SAMD5: variants seen among roughly 807,000 people sequenced by gnomAD.
SAMD5 encodes sterile alpha motif domain-containing protein 5.
SAMD5 carries 13 observed loss-of-function variants against 11.3 expected under a neutral mutation model. The ratio of observed to expected loss-of-function variants is 1.15; its 90% CI spans 0.75 to 1.83. SAMD5 has a LOEUF of 1.83. Ranked by LOEUF, SAMD5 falls within the 40% of genes most tolerant of loss-of-function variation. SAMD5 has a pLI of 0.00. For missense variants in SAMD5, 255 were observed against 239.1 expected (o/e 1.07, Z -0.44); for synonymous variants, 129 against 111.3 (o/e 1.16, Z -1.00).
At chr6:147,663,813 GAGAGAGAA>G (rs1334186885) in intron 1 of SAMD5, among the ~76,000 whole-genome samples, 14 of 117,886 alleles carry the variant, frequency 1.2e-4, no homozygotes, top group Non-Finnish European at 2.1e-4. Context: ...AAAAAAAAAA[GAGAGAGAA>G]AGAAAAAGCC....
At chr6:147,719,038 C>T (rs1791507464) in intron 1 of SAMD5, among the ~76,000 whole-genome samples, 1 of 152,206 alleles carries the variant, frequency 6.6e-6, no homozygotes, top group Non-Finnish European at 1.5e-5. Context: ...AACAACCAGC[C>T]AGATACCAAT....
chr6:147,908,287 G>A, the SAMD5 span, among the ~76,000 whole-genome samples: 5 of 152,286 alleles, frequency 3.3e-5, no homozygotes, highest in East Asian at 9.6e-4. Context: ...GGTGGGCTCC[G>A]TGTCCTGTGC....
intron 1 of SAMD5, among the ~76,000 whole-genome samples, chr6:147,682,253 T>A (rs1790950763): frequency 1.3e-5 from 2 of 152,224 alleles, no homozygotes; most frequent in African/African-American, 4.8e-5. Flanking sequence ...ATGGATCACC[T>A]TCCTTCATTG....
chr6:147,946,763 T>A, the SAMD5 span, among the ~76,000 whole-genome samples: 1 of 152,236 alleles, frequency 6.6e-6, no homozygotes, highest in Non-Finnish European at 1.5e-5. Flanking sequence ...TATAACTAAT[T>A]AGCAACTGAA....
At chr6:147,811,645 G>A in the SAMD5 span, among the ~76,000 whole-genome samples, 1 of 152,172 alleles carries the variant, frequency 6.6e-6, no homozygotes. Context: ...CAGAGAAGAG[G>A]GGGAGGGGGT....
the SAMD5 span, among the ~76,000 whole-genome samples, chr6:147,910,599 C>A: frequency 6.6e-6 from 1 of 152,038 alleles, no homozygotes; most frequent in African/African-American, 2.4e-5. Flanking sequence ...TAAAGTGACC[C>A]AAAAAACCTC....
intron 1 of SAMD5, among the ~76,000 whole-genome samples, chr6:147,584,134 T>C (rs1404083249): frequency 3.3e-5 from 5 of 152,060 alleles, no homozygotes; most frequent in Admixed American, 3.3e-4. Flanking sequence ...ACTATAGGCA[T>C]TTTTATTATT....
the SAMD5 span, among the ~76,000 whole-genome samples, chr6:147,824,256 G>A: frequency 6.6e-6 from 1 of 152,192 alleles, no homozygotes. Flanking sequence ...TCTAATGCAT[G>A]AAATTGTGGG....
At chr6:147,806,019 A>G in the SAMD5 span, among the ~76,000 whole-genome samples, 2 of 152,156 alleles carry the variant, frequency 1.3e-5, no homozygotes, top group African/African-American at 2.4e-5. Flanking sequence ...TCTGGGGACC[A>G]CAGCAAGCAG....
At chr6:147,949,011 G>T in the SAMD5 span, among the ~76,000 whole-genome samples, 1 of 152,168 alleles carries the variant, frequency 6.6e-6, no homozygotes, top group South Asian at 2.1e-4. Context: ...GGGTGAAGAA[G>T]GTTAGATTTC....
intron 1 of SAMD5, among the ~76,000 whole-genome samples, chr6:147,666,076 C>T (rs972182419): frequency 2.0e-5 from 3 of 152,038 alleles, no homozygotes; most frequent in Non-Finnish European, 4.4e-5. Flanking sequence ...GTAGCTGGGA[C>T]TACAGGCGCC....
chr6:147,628,752 C>T (rs1301684706), intron 1 of SAMD5, among the ~76,000 whole-genome samples: 3 of 152,098 alleles, frequency 2.0e-5, no homozygotes, highest in African/African-American at 7.2e-5. Context: ...GAGAGGCCAC[C>T]TCACTCTGCT....
At chr6:147,871,431 C>T in the SAMD5 span, among the ~76,000 whole-genome samples, 1 of 152,182 alleles carries the variant, frequency 6.6e-6, no homozygotes, top group Non-Finnish European at 1.5e-5. Flanking sequence ...CATTTTCCCA[C>T]TGAAACGGAA....
the SAMD5 span, among the ~76,000 whole-genome samples, chr6:147,816,301 A>AAAAATAT: frequency 1.8e-4 from 12 of 66,354 alleles, no homozygotes; most frequent in South Asian, 4.8e-4. Context: ...AAAAAAAAAA[A>AAAAATAT]ATATATATAT....
intron 1 of SAMD5, among the ~76,000 whole-genome samples, chr6:147,613,940 T>C (rs1204445300): frequency 4.6e-5 from 7 of 151,836 alleles, no homozygotes; most frequent in Non-Finnish European, 2.9e-5. Context: ...GAGTGCTCTA[T>C]AGAATGAGGG....
chr6:147,736,210 T>C (rs764021596), intron 1 of SAMD5, among the ~76,000 whole-genome samples: 3 of 152,198 alleles, frequency 2.0e-5, no homozygotes, highest in Non-Finnish European at 4.4e-5. Flanking sequence ...TCTCATTCAG[T>C]GTTGTTGCAC....
chr6:147,656,674 A>C (rs1790572256), intron 1 of SAMD5, among the ~76,000 whole-genome samples: 1 of 152,182 alleles, frequency 6.6e-6, no homozygotes, highest in Admixed American at 6.5e-5. Flanking sequence ...TACTATTTCT[A>C]ATTCATTAGA....
At chr6:147,589,253 C>A (rs948657451) in intron 1 of SAMD5, among the ~76,000 whole-genome samples, 9 of 152,144 alleles carry the variant, frequency 5.9e-5, no homozygotes, top group African/African-American at 1.4e-4. Flanking sequence ...GCCACCATGT[C>A]CTACCTGGCA....
chr6:147,557,653 T>C (rs1232465880), intron 1 of SAMD5, among the ~76,000 whole-genome samples: 7 of 152,240 alleles, frequency 4.6e-5, no homozygotes, highest in Non-Finnish European at 8.8e-5. Context: ...TAATTTCATC[T>C]TGAGATCCTT....
Sources: allele counts gnomAD v4.1 joint callset (sites outside exome capture counted in the v4.1 genomes callset), GRCh38; gene constraint gnomAD v4.1.1; transcripts MANE v1.5; gene names NCBI Gene and HGNC (gene_info 2026-07-23, HGNC 2026-07-21).